The following CEP152 variants were observed in gnomAD, a reference collection of about 807,000 sequenced individuals.
CEP152 encodes centrosomal protein 152.
Under a neutral mutation model 188.9 loss-of-function variants are expected in CEP152, and 132 were observed. The observed-to-expected ratio is 0.70, with a 90% CI of 0.61 to 0.81. The LOEUF is 0.81. Ranked by LOEUF, CEP152 falls within the 30% of genes least tolerant of loss-of-function variation. The pLI is 0.00. For synonymous variants in CEP152, 649 were observed against 666.6 expected (o/e 0.97, Z 0.41); for missense variants, 1,914 against 1,969.8 (o/e 0.97, Z 0.54).
At chr15:48,763,690 A>T (rs200018863) in intron 17 of CEP152, among the ~76,000 whole-genome samples, 1 of 152,124 alleles carries the variant, frequency 6.6e-6, no homozygotes, top group Non-Finnish European at 1.5e-5. Context: ...GAAAAAAAAA[A>T]TTTAGTTTAA....
intron 12 of CEP152, among the ~76,000 whole-genome samples, chr15:48,776,431 TA>T (rs933190215): frequency 2.0e-5 from 3 of 152,118 alleles, no homozygotes; most frequent in African/African-American, 7.2e-5. Flanking sequence ...GGTAATAATG[TA>T]AACTTTAGGG....
At chr15:48,773,753 CCTATAAAGAAAGCCTTGAAAGGATCAAA>C (rs948643720) in intron 12 of CEP152, among the ~76,000 whole-genome samples, 6 of 152,116 alleles carry the variant, frequency 3.9e-5, no homozygotes, top group African/African-American at 1.2e-4. Flanking sequence ...TGTAGTAAAG[CCTATAAAGAAAGCCTTGAAAGGATCAAA>C]CTGATTCCAA....
At chr15:48,781,109 A>C in intron 12 of CEP152, 87 bp downstream of exon 12, 1 of 1,155,944 alleles carries the variant, frequency 8.7e-7, no homozygotes. Flanking sequence ...TGAAAATAAT[A>C]CGCTCTCACC....
chr15:48,801,556 T>C (rs938807391), intron 2 of CEP152, among the ~76,000 whole-genome samples: 4 of 152,204 alleles, frequency 2.6e-5, no homozygotes, highest in African/African-American at 9.7e-5. Context: ...CAGCAAATAT[T>C]ATCTTGATAT....
Position 48,805,638 on chromosome 15 carries a change from G to C in CEP152, c.12C>G (p.Asp4Glu), listed in dbSNP as rs749998321. The change falls in exon 2 of 27, where the codon GAC (aspartate) becomes GAG (glutamate). Residue 4 changes from aspartate (D) to glutamate (E), a missense_variant. Asp to Glu is a conservative substitution (Grantham distance 45). Coordinates refer to ENST00000380950, the MANE Select transcript of CEP152 (RefSeq NM_001194998.2). ...GCACTGGTAGTGCCACACTGCCAAA[G>C]TCTAATGACATGGTCCTCCTGTGGG... MSLDFGSVALPVQN... is the reference protein window; with the variant it reads MSLEFGSVALPVQN... 6.2e-7 allele frequency: 1 copy of C among 1,604,430 alleles called. No individual in the cohort carries two copies. The highest frequency in any genetic ancestry group is 8.5e-7 in the Non-Finnish European group (1 of 1,175,742).
At chr15:48,748,708 A>C in intron 21 of CEP152, 98 bp from the exon 22 acceptor site, 1 of 1,257,644 alleles carries the variant, frequency 8.0e-7, no homozygotes. Context: ...CAGATGACTC[A>C]TGACTAAAGG....
intron 20 of CEP152, among the ~76,000 whole-genome samples, 192 bp downstream of exon 20, chr15:48,755,711 G>A (rs1239549491): frequency 6.6e-6 from 1 of 152,126 alleles, no homozygotes; most frequent in Non-Finnish European, 1.5e-5. Context: ...GTGACACTAT[G>A]AAGTAGTAAA....
intron 9 of CEP152, among the ~76,000 whole-genome samples, chr15:48,786,266 G>T (rs771696819): frequency 6.6e-6 from 1 of 152,078 alleles, no homozygotes; most frequent in African/African-American, 2.4e-5. Flanking sequence ...TTGGTGGAGA[G>T]AGTCCAGGCG....
At chr15:48,802,287 G>C (rs971602939) in intron 2 of CEP152, among the ~76,000 whole-genome samples, 1 of 152,146 alleles carries the variant, frequency 6.6e-6, no homozygotes, top group African/African-American at 2.4e-5. Context: ...TTAGCAAGAA[G>C]GACAAGTATT....
chr15:48,801,899 G>C (rs1206832172), intron 2 of CEP152, among the ~76,000 whole-genome samples: 1 of 152,128 alleles, frequency 6.6e-6, no homozygotes, highest in Non-Finnish European at 1.5e-5. Flanking sequence ...TTCAAGACCA[G>C]CCTGGCCAAC....
At chr15:48,741,839 A>G in intron 25 of CEP152, 108 bp downstream of exon 25, 1 of 1,610,416 alleles carries the variant, frequency 6.2e-7, no homozygotes, top group South Asian at 1.1e-5. Context: ...TTAACCCCCT[A>G]TGGCTGATCA....
At position 48,768,246 on chromosome 15, in the gene CEP152, T is replaced by G; in HGVS notation, c.1991A>C (p.Asp664Ala). 1 of 1,611,258 alleles carries G rather than the reference T, an allele frequency of 6.2e-7. No homozygotes were observed. Among genetic ancestry groups the G allele is most frequent in the Non-Finnish European group, 8.5e-7 (1 of 1,177,376 alleles). ...ATCCACAGCTTCTTGTTTGTCATGG[T>G]CAAAATCTTGTACCATTTGTCTCAT... is the stretch of plus-strand genomic sequence containing the variant. The part of the protein sequence containing the change: ...NQMRQMVQDF[D>A]HDKQEAVDRC... The change falls in exon 15 of 27, where the codon GAC becomes GCC. Residue 664 changes from aspartate (D) to alanine (A), a missense_variant. Transcript: ENST00000380950.
At chr15:48,740,149 T>C (rs541424565) in intron 26 of CEP152, among the ~76,000 whole-genome samples, 1 of 152,350 alleles carries the variant, frequency 6.6e-6, no homozygotes, top group East Asian at 1.9e-4. Context: ...TCTTGCTTTA[T>C]ATAAAGCTGT....
intron 24 of CEP152, among the ~76,000 whole-genome samples, chr15:48,743,846 G>C (rs1252426464): frequency 6.6e-6 from 1 of 151,996 alleles, no homozygotes; most frequent in Non-Finnish European, 1.5e-5. Context: ...CTGGTTGACA[G>C]AGTGAGATTC....
Position 48,742,079 on chromosome 15 carries a change from T to A in CEP152, c.3857A>T (p.Gln1286Leu), listed in dbSNP as rs1595588614. ...KIKCDMLRYI[Q>L]ESKERAAEMV... is the part of the protein sequence containing the mutation. Reference sequence around the variant, plus strand: ...TTCTGCAGCTCGTTCCTTACTCTCCTGAATATAACGAAGCATGTCACCTAT... The same window carrying A: ...TTCTGCAGCTCGTTCCTTACTCTCCAGAATATAACGAAGCATGTCACCTAT... Residue 1286 changes from glutamine to leucine, a missense_variant, in exon 25 of 27, where the codon CAG becomes CTG. By Grantham distance (113) the Gln-to-Leu change is moderately radical. Transcript: ENST00000380950. 6.2e-7 allele frequency: 1 copy of A among 1,614,108 alleles called. No homozygotes were observed. The highest frequency in any genetic ancestry group is 1.3e-5 in the African/African-American group (1 of 75,046).
Position 48,788,921 on chromosome 15 carries a change from T to G in CEP152, c.1053A>C (p.Ser351=). 1 of 1,614,132 alleles carries G rather than the reference T, an allele frequency of 6.2e-7. No individual in the cohort carries two copies. The highest frequency in any genetic ancestry group is 8.5e-7 in the Non-Finnish European group (1 of 1,180,014). The part of the protein sequence containing the change: ...QQLVDLHHSE[S]LQRAREQHES... ...CATGCTGTTCTCTAGCTCGTTGAAG[T>G]GATTCAGAATGATGAAGGTCCACCA... The change falls in exon 9 of 27, where the codon TCA becomes TCC. Residue 351 remains serine (S), a synonymous_variant. Transcript: ENST00000380950.
Position 48,739,142 on chromosome 15 carries a change from T to A in CEP152, c.4240A>T (p.Arg1414Trp). ...AGCCTTTGTAAGTTACAAGCTGCCC[T>A]CCTCTTGGGAGCTTGTTCGCACAGA... The part of the protein sequence containing the change: ...RTLCEQAPKR[R>W]AACNLQRLLE... Residue 1414 changes from arginine to tryptophan, a missense_variant, in exon 27 of 27, where the codon AGG (arginine) becomes TGG (tryptophan). By Grantham distance (101) the Arg-to-Trp change is moderately radical. Transcript: ENST00000380950. The A allele has an allele frequency of 6.2e-7, 1 of 1,614,196 alleles. No homozygotes were observed. The highest frequency in any genetic ancestry group is 8.5e-7 in the Non-Finnish European group (1 of 1,180,026).
At chr15:48,808,780 C>A (rs1898153872) in intron 1 of CEP152, among the ~76,000 whole-genome samples, 1 of 152,074 alleles carries the variant, frequency 6.6e-6, no homozygotes, top group Admixed American at 6.5e-5. Context: ...TTAACATTTA[C>A]ACTAGTAAAA....
At chr15:48,805,804 A>T in intron 1 of CEP152, 148 bp from the exon 2 acceptor site, 2 of 1,065,930 alleles carry the variant, frequency 1.9e-6, no homozygotes, top group Non-Finnish European at 2.7e-6. Context: ...GCCAATAAAA[A>T]TAATGGTGAT....
Sources: allele counts gnomAD v4.1 joint callset (sites outside exome capture counted in the v4.1 genomes callset), GRCh38; gene constraint gnomAD v4.1.1; transcripts MANE v1.5; gene names NCBI Gene and HGNC (gene_info 2026-07-23, HGNC 2026-07-21).